DGKB: variants seen among roughly 807,000 people sequenced by gnomAD.
DGKB encodes the protein diacylglycerol kinase beta.
A neutral mutation model predicts 114.3 loss-of-function variants in DGKB; 67 were observed. The observed-to-expected ratio is 0.59, with a 90% CI of 0.48 to 0.72. The LOEUF (loss-of-function observed/expected upper bound fraction) is 0.72, where lower values mean the gene tolerates loss of function less well. Ranked by LOEUF, DGKB falls within the 30% of genes least tolerant of loss-of-function variation. The pLI, the probability that DGKB is intolerant of heterozygous loss-of-function variation, is 0.00. For missense variants in DGKB, 907 were observed against 975.2 expected (o/e 0.93, Z 0.93); for synonymous variants, 398 against 323.1 (o/e 1.23, Z -2.49).
intron 20 of DGKB, among the ~76,000 whole-genome samples, chr7:14,568,898 G>T (rs1797976668): frequency 6.6e-6 from 1 of 152,166 alleles, no homozygotes; most frequent in Admixed American, 6.5e-5. Context: ...TTTGTAACTA[G>T]ACAGCAGAAG....
chr7:14,759,951 A>G (rs1441950813), intron 2 of DGKB, among the ~76,000 whole-genome samples: 1 of 152,172 alleles, frequency 6.6e-6, no homozygotes, highest in Admixed American at 6.6e-5. Flanking sequence ...TGTTACAGCC[A>G]TCCTAGTGGA....
chr7:14,439,364 AACG>A (rs2128808738), intron 21 of DGKB, among the ~76,000 whole-genome samples: 1 of 152,284 alleles, frequency 6.6e-6, no homozygotes, highest in South Asian at 2.1e-4. Flanking sequence ...TTGCTTGAAT[AACG>A]ATGAATAGAA....
chr7:14,335,992 C>T (rs946127181), intron 23 of DGKB, among the ~76,000 whole-genome samples: 1 of 152,144 alleles, frequency 6.6e-6, no homozygotes, highest in African/African-American at 2.4e-5. Context: ...GATCCTCCTG[C>T]CTTGGCCTCC....
intron 23 of DGKB, among the ~76,000 whole-genome samples, chr7:14,251,994 A>G (rs1170057912): frequency 6.6e-6 from 1 of 152,128 alleles, no homozygotes; most frequent in African/African-American, 2.4e-5. Context: ...TGTTTAATCT[A>G]TTTGGATTAT....
intron 17 of DGKB, among the ~76,000 whole-genome samples, chr7:14,604,738 G>T (rs1563653373): frequency 1.3e-5 from 2 of 152,068 alleles, no homozygotes; most frequent in Admixed American, 6.6e-5. Context: ...TAGAAAACAG[G>T]GCTGGGAGGA....
At chr7:14,901,104 T>G (rs1483026132) in intron 1 of DGKB, among the ~76,000 whole-genome samples, 5 of 152,166 alleles carry the variant, frequency 3.3e-5, no homozygotes, top group Non-Finnish European at 7.3e-5. Flanking sequence ...AGGGATACTA[T>G]GTATGTGTGT....
intron 23 of DGKB, among the ~76,000 whole-genome samples, chr7:14,216,662 G>A (rs917065954): frequency 6.9e-6 from 1 of 145,576 alleles, no homozygotes; most frequent in Non-Finnish European, 1.5e-5. Flanking sequence ...GGAGGTGGAG[G>A]TTGCAGTGAA....
intron 6 of DGKB, among the ~76,000 whole-genome samples, chr7:14,703,539 G>T (rs1341209678): frequency 1.3e-5 from 2 of 152,150 alleles, no homozygotes; most frequent in African/African-American, 4.8e-5. Flanking sequence ...CTGTGTGCAT[G>T]GCCCAGGCTC....
chr7:14,702,201 C>A (rs1054450025), intron 6 of DGKB, among the ~76,000 whole-genome samples: 1 of 152,042 alleles, frequency 6.6e-6, no homozygotes, highest in African/African-American at 2.4e-5. Flanking sequence ...AATCATTCTA[C>A]CATAACACAT....
At chr7:14,871,448 G>T (rs921279059) in intron 1 of DGKB, among the ~76,000 whole-genome samples, 1 of 152,058 alleles carries the variant, frequency 6.6e-6, no homozygotes, top group Admixed American at 6.6e-5. Flanking sequence ...CTTTGAAAAA[G>T]ATTGTCTTTA....
intron 21 of DGKB, among the ~76,000 whole-genome samples, chr7:14,383,610 C>T (rs1488417696): frequency 6.6e-6 from 1 of 152,114 alleles, no homozygotes; most frequent in African/African-American, 2.4e-5. Flanking sequence ...TTTGCTCCAG[C>T]CCGCGTATCA....
intron 25 of DGKB, among the ~76,000 whole-genome samples, chr7:14,169,964 A>G (rs913801434): frequency 4.0e-5 from 6 of 151,510 alleles, no homozygotes; most frequent in Admixed American, 6.6e-5. Flanking sequence ...GAGAAACCCC[A>G]TCTCTACTAA....
intron 25 of DGKB, among the ~76,000 whole-genome samples, chr7:14,159,868 T>C (rs572888327): frequency 1.9e-4 from 29 of 152,080 alleles, no homozygotes; most frequent in Non-Finnish European, 3.5e-4. Flanking sequence ...AGATGGGGTT[T>C]CACATGTTGG....
intron 3 of DGKB, among the ~76,000 whole-genome samples, chr7:14,756,882 A>C (rs1202214413): frequency 6.6e-6 from 1 of 152,112 alleles, no homozygotes; most frequent in Non-Finnish European, 1.5e-5. Flanking sequence ...TGAAGCTGCA[A>C]ATGAACTAAC....
At chr7:14,815,807 T>C (rs1261968836) in intron 2 of DGKB, among the ~76,000 whole-genome samples, 1 of 152,136 alleles carries the variant, frequency 6.6e-6, no homozygotes, top group African/African-American at 2.4e-5. Context: ...TCACAGACTG[T>C]GTACAATCGT....
At chr7:14,346,131 G>T (rs2128594108) in intron 21 of DGKB, among the ~76,000 whole-genome samples, 1 of 151,652 alleles carries the variant, frequency 6.6e-6, no homozygotes, top group African/African-American at 2.4e-5. Context: ...AAACAAAGAA[G>T]TTTTTGTTAT....
At position 14,612,332 on chromosome 7, in the gene DGKB, G is replaced by A. The variant is rs560965793; in HGVS notation, c.1358+1008C>T. Among the ~76,000 whole-genome samples the A allele has an allele frequency of 4.6e-5, 7 of 151,776 alleles. No homozygotes were observed. The South Asian group carries it at 1.5e-3, about 32-fold the overall frequency. ...TTACAGGTGCCCACGACCATGCCTCGCTAATTTTTTCGTATTTTAGTAGAG... is the reference window on the plus strand; with the variant it reads ...TTACAGGTGCCCACGACCATGCCTCACTAATTTTTTCGTATTTTAGTAGAG... On this transcript the variant is annotated intron_variant, in intron 16 of 25. Transcript: ENST00000402815.
intron 21 of DGKB, among the ~76,000 whole-genome samples, chr7:14,362,456 A>G (rs999781653): frequency 5.3e-5 from 8 of 152,224 alleles, no homozygotes; most frequent in African/African-American, 1.9e-4. Flanking sequence ...TATTTAATGA[A>G]TACCTGTTAT....
intron 23 of DGKB, among the ~76,000 whole-genome samples, chr7:14,229,530 G>A (rs1791386680): frequency 1.3e-5 from 2 of 152,060 alleles, no homozygotes; most frequent in South Asian, 4.1e-4. Flanking sequence ...ATTATGCACT[G>A]CATACGTGAA....
Sources: gnomAD v4.1 joint callset for allele counts (sites outside exome capture counted in the v4.1 genomes callset) on GRCh38, gnomAD v4.1.1 for gene constraint, MANE v1.5 for transcripts, NCBI Gene and HGNC (gene_info 2026-07-23, HGNC 2026-07-21) for gene names.